TRIOBP: variants seen among roughly 807,000 people sequenced by gnomAD.
TRIOBP encodes the protein TRIO and F-actin-binding protein.
TRIOBP carries 169 observed loss-of-function variants against 238.8 expected under a neutral mutation model. The ratio of observed to expected loss-of-function variants is 0.71; its 90% CI spans 0.62 to 0.80. The LOEUF is 0.80. TRIOBP is among the 30% of genes least tolerant of loss of function. The pLI, the probability that TRIOBP is intolerant of heterozygous loss-of-function variation, is 0.00. For missense variants in TRIOBP, 2,838 were observed against 3,122.6 expected (o/e 0.91, Z 2.17); for synonymous variants, 1,150 against 1,274.4 (o/e 0.90, Z 2.08).
intron 22 of TRIOBP, 181 bp downstream of exon 22, chr22:37,771,917 A>C (rs572024608): frequency 1.7e-4 from 121 of 705,442 alleles, no homozygotes; most frequent in African/African-American, 1.3e-3. Flanking sequence ...AGACTAAGAA[A>C]GGGGAAGTGA....
chr22:37,755,011 C>T (rs1407204287), intron 13 of TRIOBP, 27 bp downstream of exon 13: 3 of 1,612,314 alleles, frequency 1.9e-6, no homozygotes, highest in Non-Finnish European at 2.5e-6. Flanking sequence ...ACTGATGAAC[C>T]CCCGGAAGGG....
At chr22:37,733,527 G>A (rs775922077) in intron 8 of TRIOBP, 115 bp downstream of exon 8, 27 of 813,564 alleles carry the variant, frequency 3.3e-5, no homozygotes, top group African/African-American at 8.5e-5. Flanking sequence ...TGAAAGGGTC[G>A]GAGTCCAATC....
intron 6 of TRIOBP, among the ~76,000 whole-genome samples, chr22:37,718,078 C>T (rs1923625309): frequency 1.3e-5 from 2 of 152,206 alleles, no homozygotes; most frequent in South Asian, 4.1e-4. Context: ...CAGCCGCTGG[C>T]CCAGGTGCTA....
rs964586531 is a variant in TRIOBP at position 37,726,568 on chromosome 22, G to A, written c.3947+65G>A. 1.8e-5 allele frequency: 25 copies of A among 1,388,976 alleles called. No individual in the cohort carries two copies. The African/African-American group carries it at 3.1e-4, about 17-fold the overall frequency. The allele number at this position is 1,388,976 out of a possible 1,614,324, so 86.0% of individuals were successfully genotyped here. A position where few individuals can be genotyped will look rare whatever the true frequency, so the allele number is the denominator to read the frequency against. ...GAGGCTCGGCAGCAGGACAGGTGAA[G>A]GGTTAGGGTGCCAAAAGAAAGTGTT... On this transcript the variant is annotated intron_variant, in intron 7 of 23. Coordinates refer to ENST00000644935, the MANE Select transcript of TRIOBP (RefSeq NM_001039141.3).
intron 11 of TRIOBP, among the ~76,000 whole-genome samples, chr22:37,743,835 G>GC (rs1281608802): frequency 1.6e-5 from 2 of 128,362 alleles, no homozygotes; most frequent in Admixed American, 8.5e-5. Context: ...GTGTGTGTGT[G>GC]TGTGTGTGTG....
chr22:37,716,007 T>A, intron 6 of TRIOBP, 73 bp downstream of exon 6: 1 of 1,563,370 alleles, frequency 6.4e-7, no homozygotes, highest in Non-Finnish European at 8.7e-7. Context: ...CACTGGCCAT[T>A]TGGGACTCTG....
chr22:37,715,814 C>G lies in TRIOBP; in HGVS notation c.508C>G (p.Leu170Val). The stretch of plus-strand genomic sequence containing the variant: ...GGAGGAGGCCCCCAGCTGGGACGAG[C>G]TCGCAGTGATGATCCCGAGGAGGCC... ...QEEEAPSWDE[L>V]AVMIPRRPRE... Residue 170 changes from leucine to valine, a missense_variant, in exon 6 of 24, where the codon CTC becomes GTC. By Grantham distance (32) the Leu-to-Val change is conservative. Around this residue, in one of 5 missense-constraint regions of TRIOBP, gnomAD observed 535 missense variants for 537.3 expected, o/e 1.00. Transcript: ENST00000644935. 6.2e-7 allele frequency: 1 copy of G among 1,614,116 alleles called. No individual in the cohort carries two copies. The highest frequency in any genetic ancestry group is 8.5e-7 in the Non-Finnish European group (1 of 1,180,016).
chr22:37,771,718 G>A lies in TRIOBP; in HGVS notation c.6918G>A (p.Glu2306=), dbSNP rs1013771571. The change falls in exon 22 of 24, where the codon GAG becomes GAA. Residue 2306 remains glutamate (E), a synonymous_variant. Transcript: ENST00000644935. Reference sequence around the variant, plus strand: ...AGGAGGTGCAGTGCCTCCGGGACGAGCTCCAGATGATGCAGAAGGTAGGTC... The same window carrying A: ...AGGAGGTGCAGTGCCTCCGGGACGAACTCCAGATGATGCAGAAGGTAGGTC... ...LKKEVQCLRD[E]LQMMQKDKRF... is the part of the protein sequence containing the mutation. 1 of 1,614,040 alleles carries A rather than the reference G, an allele frequency of 6.2e-7. No homozygotes were observed. Among genetic ancestry groups the A allele is most frequent in the African/African-American group, 1.3e-5 (1 of 74,932 alleles).
At chr22:37,716,583 C>T (rs1176957825) in intron 6 of TRIOBP, among the ~76,000 whole-genome samples, 1 of 152,186 alleles carries the variant, frequency 6.6e-6, no homozygotes, top group East Asian at 1.9e-4. Context: ...GCACCCGCCA[C>T]CACACGTGGC....
intron 12 of TRIOBP, among the ~76,000 whole-genome samples, chr22:37,753,278 G>GA (rs1007629762): frequency 3.4e-5 from 5 of 147,244 alleles, no homozygotes; most frequent in Admixed American, 6.8e-5. Context: ...TTTTATTTTT[G>GA]TTTTTTTTTT....
chr22:37,762,112 C>T (rs1472410664), intron 17 of TRIOBP, among the ~76,000 whole-genome samples: 2 of 151,980 alleles, frequency 1.3e-5, no homozygotes, highest in African/African-American at 2.4e-5. Context: ...TTACTGTCAC[C>T]CAGGCTACAG....
intron 7 of TRIOBP, among the ~76,000 whole-genome samples, chr22:37,731,559 C>T (rs1358790300): frequency 1.3e-5 from 2 of 152,046 alleles, no homozygotes; most frequent in African/African-American, 4.8e-5. Context: ...TGGGGTCAAG[C>T]GATCCTCCTG....
At position 37,757,655 on chromosome 22, in the gene TRIOBP, C is replaced by T. The variant is rs1412030308; in HGVS notation, c.5730C>T (p.Ser1910=). 6.3e-7 allele frequency: 1 copy of T among 1,590,710 alleles called. No individual in the cohort carries two copies. The highest frequency in any genetic ancestry group is 1.3e-5 in the African/African-American group (1 of 74,572). The change falls in exon 16 of 24, where the codon AGC becomes AGT. Residue 1910 remains serine (S), a synonymous_variant. Coordinates refer to ENST00000644935, the MANE Select transcript of TRIOBP (RefSeq NM_001039141.3). ...AGGAGAACGCGCTGCACAGCTACAG[C>T]ACCCAGAAGGGCCCCCTGAAGGCAG... The part of the protein sequence containing the change: ...SNKENALHSY[S]TQKGPLKAGE...
chr22:37,747,404 A>T (rs1287194520), intron 11 of TRIOBP, among the ~76,000 whole-genome samples: 1 of 143,816 alleles, frequency 7.0e-6, no homozygotes, highest in Non-Finnish European at 1.5e-5. Flanking sequence ...GTGTGTGCAC[A>T]GGCGGCAGTA....
Position 37,733,956 on chromosome 22 carries a change from G to A in TRIOBP, c.4063-443G>A, listed in dbSNP as rs200608081. On this transcript the variant is annotated intron_variant, in intron 8 of 23. Coordinates refer to ENST00000644935, the MANE Select transcript of TRIOBP (RefSeq NM_001039141.3). Reference sequence around the variant, plus strand: ...TGCTGGGATTACAGGCGTGAACCACGGCACCTGGCCAATACTGCTGTCTTG... The same window carrying A: ...TGCTGGGATTACAGGCGTGAACCACAGCACCTGGCCAATACTGCTGTCTTG... Among the ~76,000 whole-genome samples, 5 of 152,306 alleles carry A rather than the reference G, an allele frequency of 3.3e-5. No homozygotes were observed. In the East Asian group the frequency reaches 9.6e-4, roughly 29 times the overall value.
At position 37,758,041 on chromosome 22, in the gene TRIOBP, G is replaced by A. The variant is rs923766189; in HGVS notation, c.6116G>A (p.Arg2039Gln). The change falls in exon 16 of 24, where the codon CGG becomes CAG. Residue 2039 changes from arginine to glutamine, a missense_variant. Transcript: ENST00000644935. ...CAGGAGCTGGAGAAGCTGCCCCTGCGGGAGAATAAGCGGGTGCCCCTCACT... is the reference window on the plus strand; with the variant it reads ...CAGGAGCTGGAGAAGCTGCCCCTGCAGGAGAATAAGCGGGTGCCCCTCACT... ...KWQELEKLPL[R>Q]ENKRVPLTAL... The A allele has an allele frequency of 1.2e-5, 20 of 1,611,746 alleles. No individual in the cohort carries two copies. Among genetic ancestry groups the A allele is most frequent in the South Asian group, 6.6e-5 (6 of 90,984 alleles).
intron 12 of TRIOBP, among the ~76,000 whole-genome samples, chr22:37,754,437 G>T (rs1203540264): frequency 8.1e-6 from 1 of 123,296 alleles, no homozygotes; most frequent in South Asian, 2.8e-4. Flanking sequence ...AAAAAAAAAA[G>T]GCAGCAGATT....
Position 37,748,901 on chromosome 22 carries a change from G to A in TRIOBP, c.5323-2871G>A, listed in dbSNP as rs867649832. On this transcript the variant is annotated intron_variant, in intron 11 of 23. Transcript: ENST00000644935. ...GAGGAAGCATAGTGTTTCAGGCCAA[G>A]GACATGGCACATATGAAGGGCCCGG... Among the ~76,000 whole-genome samples, 17 of 152,264 alleles carry A rather than the reference G, an allele frequency of 1.1e-4. No homozygotes were observed. The Middle Eastern group carries it at 0.01, about 91-fold the overall frequency.
intron 7 of TRIOBP, among the ~76,000 whole-genome samples, chr22:37,732,414 G>A (rs1924468576): frequency 6.6e-6 from 1 of 150,390 alleles, no homozygotes; most frequent in Non-Finnish European, 1.5e-5. Flanking sequence ...GGGAGATTAA[G>A]GCAGAGAATC....
Sources: gnomAD v4.1 joint callset for allele counts (sites outside exome capture counted in the v4.1 genomes callset) on GRCh38, gnomAD v4.1.1 for gene constraint, gnomAD v4.1.1 regional missense constraint, MANE v1.5 for transcripts, NCBI Gene and HGNC (gene_info 2026-07-23, HGNC 2026-07-21) for gene names.